HIVEP3: variants seen among roughly 807,000 people sequenced by gnomAD.
HIVEP3 encodes the protein transcription factor HIVEP3.
In HIVEP3, 49 loss-of-function variants were observed where a neutral mutation model predicts 152.8. That is an observed-to-expected ratio of 0.32 (90% confidence interval 0.26 to 0.41). The LOEUF (loss-of-function observed/expected upper bound fraction) is 0.41, where lower values mean the gene tolerates loss of function less well. HIVEP3 is among the 10% of genes least tolerant of loss of function. HIVEP3 has a pLI of 1.00. For missense variants in HIVEP3, 2,790 were observed against 3,103.3 expected (o/e 0.90, Z 2.40); for synonymous variants, 1,269 against 1,289.0 (o/e 0.98, Z 0.33).
intron 1 of HIVEP3, among the ~76,000 whole-genome samples, chr1:41,963,173 A>G (rs685229): frequency 0.78 from 117,805 of 151,950 alleles, 46,041 homozygotes; most frequent in East Asian, 0.96. Flanking sequence ...CACCACGCCC[A>G]GCTATTTTTT....
chr1:41,942,836 A>C (rs1211168607), intron 1 of HIVEP3, among the ~76,000 whole-genome samples: 1 of 152,184 alleles, frequency 6.6e-6, no homozygotes, highest in African/African-American at 2.4e-5. Context: ...ATTCAGAAGA[A>C]TGAACATAAT....
intron 1 of HIVEP3, among the ~76,000 whole-genome samples, chr1:42,021,503 T>C (rs570100639): frequency 5.3e-5 from 8 of 152,148 alleles, no homozygotes; most frequent in Non-Finnish European, 8.8e-5. Flanking sequence ...GAGTTTGGTA[T>C]AGGACATGTT....
At chr1:41,650,982 C>T (rs766036659) in intron 2 of HIVEP3, among the ~76,000 whole-genome samples, 3 of 152,138 alleles carry the variant, frequency 2.0e-5, no homozygotes, top group Non-Finnish European at 4.4e-5. Flanking sequence ...CAAGGGAGTA[C>T]CTTTGTACAC....
chr1:41,767,058 T>TCTGCC (rs141602351), intron 1 of HIVEP3, among the ~76,000 whole-genome samples: 13,763 of 152,200 alleles, frequency 0.09, 668 homozygotes, highest in Middle Eastern at 0.16. Flanking sequence ...TCCCACTTCC[T>TCTGCC]CTGCCCCATC....
chr1:41,534,802 C>T (rs922655447), intron 5 of HIVEP3, among the ~76,000 whole-genome samples: 1 of 152,180 alleles, frequency 6.6e-6, no homozygotes, highest in Non-Finnish European at 1.5e-5. Flanking sequence ...CCAAAGGAGG[C>T]GGGACACAGG....
intron 1 of HIVEP3, among the ~76,000 whole-genome samples, chr1:41,891,684 G>C (rs1644449316): frequency 6.6e-6 from 1 of 152,182 alleles, no homozygotes; most frequent in Non-Finnish European, 1.5e-5. Flanking sequence ...AGAAGTCCTT[G>C]GTAACTCACT....
intron 1 of HIVEP3, among the ~76,000 whole-genome samples, chr1:41,995,113 C>T (rs941967063): frequency 2.6e-5 from 4 of 151,606 alleles, no homozygotes; most frequent in African/African-American, 7.3e-5. Flanking sequence ...AGATAATCAC[C>T]GAGAATTTTC....
intron 1 of HIVEP3, among the ~76,000 whole-genome samples, chr1:41,872,311 G>A (rs1644096067): frequency 6.6e-6 from 1 of 151,994 alleles, no homozygotes; most frequent in Non-Finnish European, 1.5e-5. Flanking sequence ...TTGGTTACAA[G>A]TTGGCATTTG....
At chr1:41,625,952 A>G (rs1040133617) in intron 3 of HIVEP3, among the ~76,000 whole-genome samples, 1 of 152,254 alleles carries the variant, frequency 6.6e-6, no homozygotes, top group Non-Finnish European at 1.5e-5. Context: ...AGCTTCTAAG[A>G]CTATAAAAGT....
At chr1:42,001,287 T>C (rs991507634) in intron 1 of HIVEP3, among the ~76,000 whole-genome samples, 1 of 152,198 alleles carries the variant, frequency 6.6e-6, no homozygotes, top group Non-Finnish European at 1.5e-5. Context: ...GAAGCATAAG[T>C]CTGTCCGCGT....
At chr1:41,518,614 T>A in intron 6 of HIVEP3, 126 bp from the exon 7 acceptor site, 1 of 872,662 alleles carries the variant, frequency 1.1e-6, no homozygotes, top group Non-Finnish European at 1.9e-6. Flanking sequence ...CCCTGCCAGC[T>A]GCAGGGCTGG....
chr1:41,622,700 G>A (rs1345738946), intron 3 of HIVEP3, among the ~76,000 whole-genome samples: 4 of 152,200 alleles, frequency 2.6e-5, no homozygotes, highest in Non-Finnish European at 5.9e-5. Flanking sequence ...ATTTTAAGCA[G>A]CAGATAGCAG....
intron 2 of HIVEP3, among the ~76,000 whole-genome samples, chr1:41,680,870 C>T (rs1319647671): frequency 6.6e-6 from 1 of 152,194 alleles, no homozygotes; most frequent in African/African-American, 2.4e-5. Context: ...AGGACAACCC[C>T]CTCTCCGTGG....
At chr1:41,605,722 G>A (rs1037507475) in intron 3 of HIVEP3, among the ~76,000 whole-genome samples, 1 of 152,074 alleles carries the variant, frequency 6.6e-6, no homozygotes, top group African/African-American at 2.4e-5. Flanking sequence ...GAGCAGAAAA[G>A]GGGATGAGTG....
At position 41,628,939 on chromosome 1, in the gene HIVEP3, C is replaced by T; in HGVS notation, c.-712G>A. The T allele has an allele frequency of 8.1e-7, 1 of 1,230,528 alleles. No individual in the cohort carries two copies. 76.2% of individuals were successfully genotyped at this position (1,230,528 alleles called of 1,614,324 possible). Reference sequence around the variant, plus strand: ...CTAGGTTGAGGCTGCTGGGTTTGTGCCTCGAATCCTGCAGGAGATGATTGA... The same window carrying T: ...CTAGGTTGAGGCTGCTGGGTTTGTGTCTCGAATCCTGCAGGAGATGATTGA... On this transcript the variant is annotated 5_prime_UTR_variant, in exon 3 of 9. Transcript: ENST00000372583.
chr1:41,803,431 C>A (rs989303890), intron 1 of HIVEP3, among the ~76,000 whole-genome samples: 2 of 152,178 alleles, frequency 1.3e-5, no homozygotes, highest in Non-Finnish European at 2.9e-5. Context: ...TACTAATGAC[C>A]CCAACTGCAA....
chr1:41,727,327 C>T (rs2124179914), intron 1 of HIVEP3, among the ~76,000 whole-genome samples: 1 of 152,322 alleles, frequency 6.6e-6, no homozygotes, highest in South Asian at 2.1e-4. Context: ...TCAGCTTCCC[C>T]ACCACGAGGG....
chr1:41,981,444 G>A (rs1292535179), intron 1 of HIVEP3, among the ~76,000 whole-genome samples: 5 of 151,898 alleles, frequency 3.3e-5, no homozygotes, highest in African/African-American at 4.8e-5. Flanking sequence ...GGAAGTGGTG[G>A]GGAGGCTCAG....
chr1:41,768,644 G>T (rs10789409), intron 1 of HIVEP3, among the ~76,000 whole-genome samples: 123,082 of 152,048 alleles, frequency 0.81, 54,156 homozygotes, highest in Non-Finnish European at 0.98. Flanking sequence ...AACCCCCTTC[G>T]TGGGGATAAG....
Sources: allele counts gnomAD v4.1 joint callset (sites outside exome capture counted in the v4.1 genomes callset), GRCh38; gene constraint gnomAD v4.1.1; transcripts MANE v1.5; gene names NCBI Gene and HGNC (gene_info 2026-07-23, HGNC 2026-07-21).